The following MTA3 variants were observed in gnomAD, a reference collection of about 807,000 sequenced individuals.
The protein encoded by MTA3 is metastasis-associated protein MTA3.
MTA3 carries 34 observed loss-of-function variants against 83.5 expected under a neutral mutation model. That is an observed-to-expected ratio of 0.41 (90% CI 0.31 to 0.54). MTA3 has a LOEUF of 0.54. MTA3 is among the 20% of genes least tolerant of loss of function. MTA3 has a pLI of 0.33. For synonymous variants in MTA3, 303 were observed against 252.7 expected (o/e 1.20, Z -1.89); for missense variants, 761 against 726.4 (o/e 1.05, Z -0.55).
intron 8 of MTA3, among the ~76,000 whole-genome samples, chr2:42,663,835 T>G (rs1689964910): frequency 6.6e-6 from 1 of 152,264 alleles, no homozygotes; most frequent in African/African-American, 2.4e-5. Flanking sequence ...CACCCTTCAG[T>G]GTTTTTTATC....
intron 2 of MTA3, among the ~76,000 whole-genome samples, chr2:42,576,571 C>G (rs566956479): frequency 6.7e-6 from 1 of 149,436 alleles, no homozygotes; most frequent in East Asian, 2.0e-4. Context: ...TTGAGACCAG[C>G]CTGTGCAACA....
intron 16 of MTA3, among the ~76,000 whole-genome samples, chr2:42,733,545 T>G (rs1668389334): frequency 6.6e-6 from 1 of 152,238 alleles, no homozygotes; most frequent in Non-Finnish European, 1.5e-5. Context: ...CCCATAGGTT[T>G]TGGTATGTTG....
Position 42,755,934 on chromosome 2 carries a change from C to T in MTA3, c.*2535C>T, listed in dbSNP as rs551705876. Reference sequence around the variant, plus strand: ...TTAAAGGTGCGCAAGAGAGGAGGGCCGACTGGAGGGTGTCGCCGGAAGGTT... The same window carrying T: ...TTAAAGGTGCGCAAGAGAGGAGGGCTGACTGGAGGGTGTCGCCGGAAGGTT... On this transcript the variant is annotated 3_prime_UTR_variant, in exon 17 of 17. Transcript: ENST00000405094. 4.4e-5 allele frequency: 43 copies of T among 985,502 alleles called. No individual in the cohort carries two copies. The South Asian group carries it at 5.6e-4, about 13-fold the overall frequency. The allele number at this position is 985,502 out of a possible 1,614,324, so 61.0% of individuals were successfully genotyped here. A position where few individuals can be genotyped will look rare whatever the true frequency, so the allele number is the denominator to read the frequency against.
chr2:42,756,229 C>T lies in MTA3; in HGVS notation c.*2830C>T, dbSNP rs1320268319. ...CAAGGCCACTGGGGGACCTGCCACA[C>T]TGTGGACCTGTCTGGTGGGGGCTGG... On this transcript the variant is annotated 3_prime_UTR_variant, in exon 17 of 17. Transcript: ENST00000405094. 2 of 193,344 alleles carry T rather than the reference C, an allele frequency of 1.0e-5. No individual in the cohort carries two copies. Among genetic ancestry groups the T allele is most frequent in the Non-Finnish European group, 1.9e-5 (2 of 105,822 alleles). The allele number at this position is 193,344 out of a possible 1,614,324, so 12.0% of individuals were successfully genotyped here. A position where few individuals can be genotyped will look rare whatever the true frequency, so the allele number is the denominator to read the frequency against.
At chr2:42,594,264 TTA>T (rs1435587017) in intron 3 of MTA3, among the ~76,000 whole-genome samples, 958 of 38,968 alleles carry the variant, frequency 0.025, 4 homozygotes, top group Middle Eastern at 0.088. Flanking sequence ...TTTTTTTTTT[TTA>T]AAAGACAGTC....
intron 16 of MTA3, among the ~76,000 whole-genome samples, chr2:42,736,848 C>G (rs1668647148): frequency 6.6e-6 from 1 of 152,180 alleles, no homozygotes; most frequent in Admixed American, 6.5e-5. Context: ...CTGGTGAATC[C>G]TGCCAGGACT....
intron 2 of MTA3, among the ~76,000 whole-genome samples, chr2:42,508,405 C>T (rs1228555748): frequency 1.3e-5 from 2 of 152,222 alleles, no homozygotes; most frequent in Non-Finnish European, 1.5e-5. Context: ...CATCTCCACT[C>T]ATTGCAGCCT....
chr2:42,651,044 A>C (rs1186271979), intron 6 of MTA3, among the ~76,000 whole-genome samples: 4 of 152,232 alleles, frequency 2.6e-5, no homozygotes, highest in African/African-American at 9.6e-5. Flanking sequence ...TATTGCTCCC[A>C]GGCTACAAAC....
intron 16 of MTA3, among the ~76,000 whole-genome samples, chr2:42,742,229 C>A (rs1285254418): frequency 6.6e-6 from 1 of 151,644 alleles, no homozygotes; most frequent in Non-Finnish European, 1.5e-5. Context: ...ACCTCTGCCT[C>A]CTGTGTTCAA....
chr2:42,540,783 T>G (rs1676483295), intron 2 of MTA3, among the ~76,000 whole-genome samples: 1 of 151,138 alleles, frequency 6.6e-6, no homozygotes, highest in South Asian at 2.1e-4. Flanking sequence ...TGCAGTGAGC[T>G]GTGATCGTGC....
rs755108527 is a variant in MTA3, at chr2:42,709,091, C to T, written c.1520C>T (p.Ala507Val). The T allele has an allele frequency of 2.5e-6, 4 of 1,595,074 alleles. No individual in the cohort carries two copies. In the Admixed American group the frequency reaches 5.4e-5, roughly 21 times the overall value. The stretch of plus-strand genomic sequence containing the variant: ...GCTATTAATTATGCTGCCATTAGGG[C>T]AGAATGTAAGATGCTTTTAAATTCT... Reference protein sequence around the residue: ...FVAINYAAIRAEYADRHAELS... With the variant: ...FVAINYAAIRVEYADRHAELS... The change falls in exon 14 of 17, where the codon GCA becomes GTA. Residue 507 changes from alanine (A) to valine (V), a missense_variant. Physicochemically the swap from Ala to Val is moderately conservative, Grantham distance 64 (BLOSUM62 0). Coordinates refer to ENST00000405094, the MANE Select transcript of MTA3 (RefSeq NM_001330442.2).
chr2:42,601,726 C>T (rs1682599856), intron 3 of MTA3, among the ~76,000 whole-genome samples: 1 of 152,014 alleles, frequency 6.6e-6, no homozygotes, highest in African/African-American at 2.4e-5. Context: ...GCTGCCCAGG[C>T]TGGAGTGCAG....
Position 42,754,334 on chromosome 2 carries a change from CTG to C in MTA3, c.*939_*940del, listed in dbSNP as rs1008942601. On this transcript the variant is annotated 3_prime_UTR_variant, in exon 17 of 17. Coordinates refer to ENST00000405094, the MANE Select transcript of MTA3 (RefSeq NM_001330442.2). Reference sequence around the variant, plus strand: ...GGCCTAGAGGTGTGGAGTGAGAGAACTGTGTTTGTGGGTATGAGTCTGTGTGG... The same window carrying C: ...GGCCTAGAGGTGTGGAGTGAGAGAACTGTTTGTGGGTATGAGTCTGTGTGG... The C allele has an allele frequency of 2.2e-5, 22 of 985,372 alleles. No individual in the cohort carries two copies. In the African/African-American group the frequency reaches 2.6e-4, roughly 12 times the overall value. 61.0% of individuals were successfully genotyped at this position (985,372 alleles called of 1,614,324 possible).
chr2:42,683,438 T>G (rs927024207), intron 9 of MTA3, among the ~76,000 whole-genome samples: 24 of 152,194 alleles, frequency 1.6e-4, no homozygotes, highest in Admixed American at 6.5e-4. Context: ...GGACCAGTTT[T>G]GTGGAAGACA....
chr2:42,610,306 C>T (rs149281032), intron 4 of MTA3, among the ~76,000 whole-genome samples: 1 of 152,230 alleles, frequency 6.6e-6, no homozygotes, highest in Non-Finnish European at 1.5e-5. Flanking sequence ...GACTCTTGAC[C>T]TTATAGGATA....
At chr2:42,585,555 A>G (rs988958835) in intron 3 of MTA3, among the ~76,000 whole-genome samples, 1 of 148,998 alleles carries the variant, frequency 6.7e-6, no homozygotes, top group African/African-American at 2.5e-5. Flanking sequence ...GCTCACTGCA[A>G]CCTCCGCCTC....
chr2:42,646,357 A>T (rs1048599631), intron 6 of MTA3, among the ~76,000 whole-genome samples: 3 of 152,214 alleles, frequency 2.0e-5, no homozygotes, highest in Non-Finnish European at 2.9e-5. Flanking sequence ...TTTATTATTA[A>T]GAAATAACAT....
In MTA3 at chr2:42,595,063, A is replaced by G. The variant is rs1182675084; in HGVS notation, c.191-14395A>G. Among the ~76,000 whole-genome samples, 4 of 130,546 alleles carry G rather than the reference A, an allele frequency of 3.1e-5. No individual in the cohort carries two copies. In the Admixed American group the frequency reaches 3.4e-4, roughly 11 times the overall value. The allele number at this position is 130,546 out of a possible 152,430, so 85.6% of individuals were successfully genotyped here. ...CCACCACACTGGGCCATAGTTATCTATTCTTATTCAAAACCAAGGTAGTAA... is the reference window on the plus strand; with the variant it reads ...CCACCACACTGGGCCATAGTTATCTGTTCTTATTCAAAACCAAGGTAGTAA... On this transcript the variant is annotated intron_variant, in intron 3 of 16. Coordinates refer to ENST00000405094, the MANE Select transcript of MTA3 (RefSeq NM_001330442.2).
intron 2 of MTA3, among the ~76,000 whole-genome samples, chr2:42,552,991 C>T (rs1677189125): frequency 6.6e-6 from 1 of 151,606 alleles, no homozygotes; most frequent in African/African-American, 2.4e-5. Context: ...AAGTTCTACT[C>T]CGAGGCTGAG....
Sources: allele counts gnomAD v4.1 joint callset (sites outside exome capture counted in the v4.1 genomes callset), GRCh38; gene constraint gnomAD v4.1.1; transcripts MANE v1.5; gene names NCBI Gene and HGNC (gene_info 2026-07-23, HGNC 2026-07-21).